Variants in LGR5 observed in about 807,000 individuals in gnomAD.
LGR5 encodes the protein leucine-rich repeat-containing G protein-coupled receptor 5.
Under a neutral mutation model 76.7 loss-of-function variants are expected in LGR5, and 54 were observed. The ratio of observed to expected loss-of-function variants is 0.70; its 90% CI spans 0.57 to 0.88. LGR5 has a LOEUF of 0.88. Ranked by LOEUF, LGR5 falls within the 40% of genes least tolerant of loss-of-function variation. The probability of loss-of-function intolerance (pLI) is 0.00; values close to 1 mark genes in which losing one functional copy is unlikely to be tolerated. For synonymous variants in LGR5, 406 were observed against 421.9 expected, an observed-to-expected ratio of 0.96 and a Z score of 0.46; for missense variants, 1,078 against 1,073.3, an observed-to-expected ratio of 1.00 and a Z score of -0.06.
chr12:71,474,094 T>C (rs958803509), intron 1 of LGR5, among the ~76,000 whole-genome samples: 4 of 152,196 alleles, frequency 2.6e-5, no homozygotes, highest in Non-Finnish European at 5.9e-5. Context: ...CTTTCTTATT[T>C]GGCTTTTGAA....
At chr12:71,570,075 C>A (rs1384351654) in intron 11 of LGR5, among the ~76,000 whole-genome samples, 2 of 151,948 alleles carry the variant, frequency 1.3e-5, no homozygotes, top group African/African-American at 2.4e-5. Context: ...CCAAACATTG[C>A]AAGTTCTCAC....
At chr12:71,526,737 A>G (rs1413536300) in intron 3 of LGR5, among the ~76,000 whole-genome samples, 1 of 152,136 alleles carries the variant, frequency 6.6e-6, no homozygotes, top group Non-Finnish European at 1.5e-5. Context: ...GTGAAACTAC[A>G]GAGGTTGGGG....
intron 2 of LGR5, among the ~76,000 whole-genome samples, chr12:71,518,480 C>G (rs1875556897): frequency 6.6e-6 from 1 of 152,150 alleles, no homozygotes; most frequent in Non-Finnish European, 1.5e-5. Context: ...ACCATTCGAC[C>G]CAGCAATACA....
chr12:71,457,776 C>T (rs1234807225), intron 1 of LGR5, among the ~76,000 whole-genome samples: 1 of 152,120 alleles, frequency 6.6e-6, no homozygotes, highest in African/African-American at 2.4e-5. Context: ...CCCTGAAGCT[C>T]AGCCTTTCAC....
chr12:71,490,070 T>C (rs1053040476), intron 1 of LGR5, among the ~76,000 whole-genome samples: 1 of 151,110 alleles, frequency 6.6e-6, no homozygotes, highest in Non-Finnish European at 1.5e-5. Flanking sequence ...ATTGAGGCTT[T>C]GGTGAGCCAT....
At chr12:71,499,503 G>A (rs1020359150) in intron 1 of LGR5, among the ~76,000 whole-genome samples, 1 of 152,120 alleles carries the variant, frequency 6.6e-6, no homozygotes, top group Non-Finnish European at 1.5e-5. Flanking sequence ...AAAGTGGCAT[G>A]AGATCAAGAT....
chr12:71,543,539 G>T (rs1213179689), intron 4 of LGR5, among the ~76,000 whole-genome samples: 1 of 152,172 alleles, frequency 6.6e-6, no homozygotes, highest in Non-Finnish European at 1.5e-5. Context: ...TGAGGTAAAA[G>T]TTTGGCCAGA....
At chr12:71,533,876 G>A (rs771912371) in intron 3 of LGR5, among the ~76,000 whole-genome samples, 8 of 152,246 alleles carry the variant, frequency 5.3e-5, no homozygotes, top group Admixed American at 2.0e-4. Flanking sequence ...TAACCATACC[G>A]TTCACATGCA....
intron 1 of LGR5, among the ~76,000 whole-genome samples, chr12:71,473,339 AAT>A (rs1873181294): frequency 6.6e-6 from 1 of 152,210 alleles, no homozygotes; most frequent in East Asian, 1.9e-4. Flanking sequence ...CACTTAAAAA[AAT>A]ATTCATTATT....
intron 13 of LGR5, among the ~76,000 whole-genome samples, chr12:71,577,582 C>T (rs11178864): frequency 0.035 from 5,376 of 152,266 alleles, 203 homozygotes; most frequent in African/African-American, 0.1. Flanking sequence ...GAAGAAGAGA[C>T]TCAGAAGTTT....
intron 1 of LGR5, among the ~76,000 whole-genome samples, chr12:71,444,194 A>G (rs551476087): frequency 6.6e-6 from 1 of 152,228 alleles, no homozygotes; most frequent in East Asian, 1.9e-4. Context: ...AGAAATGATT[A>G]CAAAAATAGT....
intron 2 of LGR5, among the ~76,000 whole-genome samples, chr12:71,517,814 C>T (rs117078957): frequency 1.2e-3 from 178 of 152,332 alleles, no homozygotes; most frequent in Non-Finnish European, 1.8e-3. Flanking sequence ...CAGTATTATA[C>T]ATTATACATC....
intron 1 of LGR5, among the ~76,000 whole-genome samples, chr12:71,503,401 A>T (rs1874701236): frequency 6.6e-6 from 1 of 152,222 alleles, no homozygotes; most frequent in African/African-American, 2.4e-5. Flanking sequence ...CTAACAGATA[A>T]TAAAATTAAT....
At chr12:71,519,398 T>G (rs1342074240) in intron 2 of LGR5, among the ~76,000 whole-genome samples, 1 of 152,192 alleles carries the variant, frequency 6.6e-6, no homozygotes, top group Non-Finnish European at 1.5e-5. Context: ...GTTATATTAT[T>G]CACTTGAGTT....
chr12:71,440,005 C>T lies in LGR5; in HGVS notation c.-76C>T, dbSNP rs1871678229. 8 of 1,440,298 alleles carry T rather than the reference C, an allele frequency of 5.6e-6. No individual in the cohort carries two copies. Among genetic ancestry groups the T allele is most frequent in the South Asian group, 1.2e-5 (1 of 85,224 alleles). The allele number at this position is 1,440,298 out of a possible 1,614,324, so 89.2% of individuals were successfully genotyped here. On this transcript the variant is annotated 5_prime_UTR_variant, in exon 1 of 18. Coordinates refer to ENST00000266674, the MANE Select transcript of LGR5 (RefSeq NM_003667.4). The surrounding 1 kb of genome is among the most constrained non-coding windows in gnomAD (Gnocchi z 5.3). ...TTGCAGAAGCCCACGGAGCGGCGCC[C>T]GGCGCGCCACGGCCCGTAGCAGTCC...
intron 4 of LGR5, among the ~76,000 whole-genome samples, chr12:71,547,165 T>C (rs1877218187): frequency 6.6e-6 from 1 of 152,214 alleles, no homozygotes; most frequent in Non-Finnish European, 1.5e-5. Context: ...TAATAAAAAC[T>C]CCGTTCTTGC....
chr12:71,534,198 G>C lies in LGR5; in HGVS notation c.357-917G>C, dbSNP rs140855275. Among the ~76,000 whole-genome samples the C allele has an allele frequency of 7.0e-4, 106 of 152,222 alleles. 1 individual carries two copies. The highest frequency in any genetic ancestry group is 2.5e-3 in the African/African-American group (104 of 41,548). ...AAAAAATGTGCTGCAGAATTCTTGT[G>C]TTATAAACATTTATGAATAAGGTAG... On this transcript the variant is annotated intron_variant, in intron 3 of 17. Coordinates refer to ENST00000266674, the MANE Select transcript of LGR5 (RefSeq NM_003667.4).
intron 2 of LGR5, 116 bp from the exon 3 acceptor site, chr12:71,524,290 C>T (rs1336478347): frequency 1.5e-6 from 1 of 676,722 alleles, no homozygotes; most frequent in Non-Finnish European, 2.4e-6. Flanking sequence ...AAGTTGTTTA[C>T]AGTTGCTTTT....
intron 7 of LGR5, among the ~76,000 whole-genome samples, chr12:71,560,593 A>C: frequency 6.6e-6 from 1 of 152,196 alleles, no homozygotes; most frequent in Non-Finnish European, 1.5e-5. Context: ...GGAGTTCGAG[A>C]CCAGCCTGGC....
Sources: allele counts gnomAD v4.1 joint callset (sites outside exome capture counted in the v4.1 genomes callset), GRCh38; gene constraint gnomAD v4.1.1; non-coding constraint Gnocchi (gnomAD v3.1); transcripts MANE v1.5; gene names NCBI Gene and HGNC (gene_info 2026-07-23, HGNC 2026-07-21).